ZNF567: variants seen among roughly 807,000 people sequenced by gnomAD.
ZNF567 encodes the protein zinc finger protein 567.
ZNF567 carries 36 observed loss-of-function variants against 53.9 expected under a neutral mutation model. That is an observed-to-expected ratio of 0.67 (90% CI 0.51 to 0.88). ZNF567 has a LOEUF of 0.88. Among genes scored for constraint, ZNF567 ranks in the 40% least tolerant of loss-of-function variants. ZNF567 has a pLI of 0.00. For synonymous variants in ZNF567, 224 were observed against 260.4 expected, an observed-to-expected ratio of 0.86 and a Z score of 1.35; for missense variants, 619 against 764.7, an observed-to-expected ratio of 0.81 and a Z score of 2.25.
chr19:36,679,476 G>A, the ZNF567 span, among the ~76,000 whole-genome samples: 2 of 152,162 alleles, frequency 1.3e-5, no homozygotes, highest in Non-Finnish European at 2.9e-5. Flanking sequence ...ATTACCATAT[G>A]AGCCAGCAAC....
At chr19:36,723,377 T>C (rs1327297131), downstream of ZNF567, 13 of 628,638 alleles carry the variant, frequency 2.1e-5, no homozygotes, top group Non-Finnish European at 3.4e-5. Flanking sequence ...GTCTCCTGAT[T>C]TACTGATTAT....
intron 5 of ZNF567, among the ~76,000 whole-genome samples, chr19:36,715,768 A>G (rs1194984663): frequency 6.6e-6 from 1 of 151,502 alleles, no homozygotes; most frequent in Non-Finnish European, 1.5e-5. Flanking sequence ...ACCTCAGGCA[A>G]TCTGCCCGTG....
Position 36,719,485 on chromosome 19 carries a change from C to T in ZNF567, c.761C>T (p.Thr254Ile). The change falls in exon 6 of 6, where the codon ACA becomes ATA. Residue 254 changes from threonine (T) to isoleucine (I), a missense_variant. Physicochemically the swap from Thr to Ile is moderately conservative, Grantham distance 89. Coordinates refer to ENST00000682579, the MANE Select transcript of ZNF567 (RefSeq NM_001322917.1). ...GCAACCAATATTGAAAAAAAACATA[C>T]ATGCAATGAATGTGGGAAATCTTTC... ...RRATNIEKKHTCNECGKSFCR... is the reference protein window; with the variant it reads ...RRATNIEKKHICNECGKSFCR... 6.2e-7 allele frequency: 1 copy of T among 1,611,548 alleles called. No homozygotes were observed. Among genetic ancestry groups the T allele is most frequent in the African/African-American group, 1.3e-5 (1 of 74,718 alleles).
rs746531184 is a variant in ZNF567, at chr19:36,720,187, T to A, written c.1463T>A (p.Met488Lys). The A allele has an allele frequency of 6.2e-7, 1 of 1,613,304 alleles. No homozygotes were observed. Among genetic ancestry groups the A allele is most frequent in the Non-Finnish European group, 8.5e-7 (1 of 1,179,784 alleles). Reference protein sequence around the residue: ...ECPHCGKAFRMKSYLIDHHRT... With the variant: ...ECPHCGKAFRKKSYLIDHHRT... ...CCTCACTGTGGGAAGGCCTTTAGAA[T>A]GAAGTCATACCTCATTGATCATCAC... Residue 488 changes from methionine (M) to lysine (K), a missense_variant, in exon 6 of 6, where the codon ATG becomes AAG. Coordinates refer to ENST00000682579, the MANE Select transcript of ZNF567 (RefSeq NM_001322917.1).
At chr19:36,705,700 G>A (rs1287083924) in intron 3 of ZNF567, among the ~76,000 whole-genome samples, 1 of 74,960 alleles carries the variant, frequency 1.3e-5, no homozygotes, top group Admixed American at 1.1e-4. Flanking sequence ...TGATTGTGTT[G>A]AAAGTTTTCT....
rs145705960 is a variant in ZNF567, at chr19:36,720,936, A to G, written c.*268A>G. 129 of 229,926 alleles carry G rather than the reference A, an allele frequency of 5.6e-4. No homozygotes were observed. Among genetic ancestry groups the G allele is most frequent in the African/African-American group, 2.8e-3 (125 of 44,104 alleles). 14.2% of individuals were successfully genotyped at this position (229,926 alleles called of 1,614,324 possible). A position where few individuals can be genotyped will look rare whatever the true frequency, so the allele number is the denominator to read the frequency against. ...GTTTATTTTTTAAAAATACTTATAT[A>G]ATACATGCAGAGACAAGATACACAA... On this transcript the variant is annotated 3_prime_UTR_variant, in exon 6 of 6. Coordinates refer to ENST00000682579, the MANE Select transcript of ZNF567 (RefSeq NM_001322917.1).
rs2040205607 is a variant in ZNF567 at position 36,719,324 on chromosome 19, T to TC, written c.601dup (p.Gln201ProfsTer13). 1 of 1,612,696 alleles carries TC rather than the reference T, an allele frequency of 6.2e-7. No homozygotes were observed. Among genetic ancestry groups the TC allele is most frequent in the Non-Finnish European group, 8.5e-7 (1 of 1,179,692 alleles). On this transcript the variant is annotated frameshift_variant, in exon 6 of 6. Coordinates refer to ENST00000682579, the MANE Select transcript of ZNF567 (RefSeq NM_001322917.1). LOFTEE classifies it high-confidence loss of function. ...GTCATAATGAAGTTCTTATGCAGTA[T>TC]CAGAAAACGGAAACTCCAGCACAGT... is the stretch of plus-strand genomic sequence containing the variant.
chr19:36,682,604 A>C, the ZNF567 span, among the ~76,000 whole-genome samples: 1 of 144,810 alleles, frequency 6.9e-6, no homozygotes, highest in Non-Finnish European at 1.5e-5. Flanking sequence ...TATTATTATT[A>C]TTATTATTAT....
rs902993869 is a variant in ZNF567 at position 36,720,752 on chromosome 19, T to C, written c.*84T>C. 22 of 1,256,426 alleles carry C rather than the reference T, an allele frequency of 1.8e-5. No homozygotes were observed. Among genetic ancestry groups the C allele is most frequent in the Non-Finnish European group, 2.3e-5 (21 of 931,210 alleles). The allele number at this position is 1,256,426 out of a possible 1,614,324, so 77.8% of individuals were successfully genotyped here. A position where few individuals can be genotyped will look rare whatever the true frequency, so the allele number is the denominator to read the frequency against. ...AGAAAAGCATGCTGAAACATGTTAATGTAATTTTAAATCACAAGTCTAATA... is the reference window on the plus strand; with the variant it reads ...AGAAAAGCATGCTGAAACATGTTAACGTAATTTTAAATCACAAGTCTAATA... On this transcript the variant is annotated 3_prime_UTR_variant, in exon 6 of 6. Coordinates refer to ENST00000682579, the MANE Select transcript of ZNF567 (RefSeq NM_001322917.1).
the ZNF567 span, among the ~76,000 whole-genome samples, chr19:36,671,426 C>G: frequency 1.3e-5 from 2 of 152,182 alleles, no homozygotes; most frequent in African/African-American, 4.8e-5. Context: ...GCAACGCATT[C>G]CTCACTTGGA....
rs1346165928 is a variant in ZNF567 at position 36,721,051 on chromosome 19, T to TACTTACA, written c.*385_*386insTTACAAC. On this transcript the variant is annotated 3_prime_UTR_variant, in exon 6 of 6. Coordinates refer to ENST00000682579, the MANE Select transcript of ZNF567 (RefSeq NM_001322917.1). The stretch of plus-strand genomic sequence containing the variant: ...TAATAAAAAGCAGTTAGTTGTTACT[T>TACTTACA]ACCTAAGAGTTACCACTTCCGTAGC... 6.5e-6 allele frequency: 1 copy of TACTTACA among 153,400 alleles called. No homozygotes were observed. Among genetic ancestry groups the TACTTACA allele is most frequent in the Non-Finnish European group, 1.5e-5 (1 of 68,864 alleles). 9.5% of individuals were successfully genotyped at this position (153,400 alleles called of 1,614,324 possible).
At chr19:36,725,854 C>T (rs866835581), downstream of ZNF567, among the ~76,000 whole-genome samples, 1 of 152,176 alleles carries the variant, frequency 6.6e-6, no homozygotes, top group African/African-American at 2.4e-5. Context: ...ACCGTGTTGT[C>T]CAGGCTTCCT....
chr19:36,719,538 C>G lies in ZNF567; in HGVS notation c.814C>G (p.Gln272Glu), dbSNP rs1230727631. 1 of 1,613,956 alleles carries G rather than the reference C, an allele frequency of 6.2e-7. No individual in the cohort carries two copies. The highest frequency in any genetic ancestry group is 1.7e-5 in the Admixed American group (1 of 60,004). ...FCRKSVLILH[Q>E]GIHSEEKPYQ... ...CAGGAAATCAGTATTGATTCTGCAT[C>G]AGGGAATTCACTCAGAAGAAAAACC... Residue 272 changes from glutamine to glutamate, a missense_variant, in exon 6 of 6, where the codon CAG (glutamine) becomes GAG (glutamate). By Grantham distance (29) the Gln-to-Glu change is conservative. Transcript: ENST00000682579.
chr19:36,712,112 T>C, intron 3 of ZNF567: 1 of 347,830 alleles, frequency 2.9e-6, no homozygotes, highest in Non-Finnish European at 5.5e-6. Context: ...AGTGGCATGA[T>C]CTGGGCTCAC....
At chr19:36,713,794 G>C (rs1358817091) in intron 5 of ZNF567, among the ~76,000 whole-genome samples, 1 of 152,158 alleles carries the variant, frequency 6.6e-6, no homozygotes, top group Non-Finnish European at 1.5e-5. Flanking sequence ...AATTAGCTGG[G>C]TGTGGTGGCA....
the ZNF567 span, among the ~76,000 whole-genome samples, chr19:36,676,878 G>A: frequency 2.0e-5 from 3 of 152,040 alleles, no homozygotes; most frequent in Admixed American, 6.6e-5. Flanking sequence ...AGATAGGGCC[G>A]GGCGCGGTGG....
intron 5 of ZNF567, among the ~76,000 whole-genome samples, chr19:36,714,226 A>G (rs1172832807): frequency 6.6e-6 from 1 of 152,076 alleles, no homozygotes; most frequent in African/African-American, 2.4e-5. Flanking sequence ...CAGTGACGTC[A>G]TCTTGGCTCA....
chr19:36,690,453 G>T (rs960743059), intron 2 of ZNF567, among the ~76,000 whole-genome samples: 16 of 152,074 alleles, frequency 1.1e-4, no homozygotes, highest in African/African-American at 3.9e-4. Context: ...TTAGCCAGGC[G>T]TAGTGGCACG....
intron 5 of ZNF567, among the ~76,000 whole-genome samples, chr19:36,717,317 A>G (rs1338625205): frequency 6.6e-6 from 1 of 152,204 alleles, no homozygotes; most frequent in Non-Finnish European, 1.5e-5. Context: ...GGGGAAACAT[A>G]TGAAGGGTTT....
Sources: gnomAD v4.1 joint callset for allele counts (sites outside exome capture counted in the v4.1 genomes callset) on GRCh38, gnomAD v4.1.1 for gene constraint, MANE v1.5 for transcripts, NCBI Gene and HGNC (gene_info 2026-07-23, HGNC 2026-07-21) for gene names.